GNAL: variants seen among roughly 807,000 people sequenced by gnomAD.
GNAL encodes the protein G protein subunit alpha L.
Under a neutral mutation model 55.1 loss-of-function variants are expected in GNAL, and 18 were observed. The ratio of observed to expected loss-of-function variants is 0.33; its 90% CI spans 0.23 to 0.48. GNAL has a LOEUF of 0.48. GNAL is among the 20% of genes least tolerant of loss of function. GNAL has a pLI of 0.99. For missense variants in GNAL, 412 were observed against 614.1 expected (o/e 0.67, Z 3.48); for synonymous variants, 253 against 237.0 (o/e 1.07, Z -0.62).
chr18:11,869,716 C>A lies in GNAL; in HGVS notation c.1031+1053C>A, dbSNP rs549011020. Reference sequence around the variant, plus strand: ...TTGCTTGAGCTCAGGAATTGGAGACCAGTCTGGGCAACATGTTGAAACCCT... The same window carrying A: ...TTGCTTGAGCTCAGGAATTGGAGACAAGTCTGGGCAACATGTTGAAACCCT... On this transcript the variant is annotated intron_variant, in intron 9 of 11. Coordinates refer to ENST00000334049, the MANE Select transcript of GNAL (RefSeq NM_182978.4). Among the ~76,000 whole-genome samples, 7 of 152,126 alleles carry A rather than the reference C, an allele frequency of 4.6e-5. No homozygotes were observed. The South Asian group carries it at 1.5e-3, about 32-fold the overall frequency.
At chr18:11,817,729 C>T (rs547817479) in intron 4 of GNAL, among the ~76,000 whole-genome samples, 1 of 151,700 alleles carries the variant, frequency 6.6e-6, no homozygotes, top group South Asian at 2.1e-4. Flanking sequence ...GCTGGGATTG[C>T]AGGTGCGTGC....
intron 1 of GNAL, among the ~76,000 whole-genome samples, chr18:11,709,476 C>T (rs2031789310): frequency 6.6e-6 from 1 of 151,844 alleles, no homozygotes. Context: ...TATCTTCTTT[C>T]ATTTCTTATA....
intron 5 of GNAL, among the ~76,000 whole-genome samples, chr18:11,840,090 T>C (rs2035581308): frequency 6.6e-6 from 1 of 152,216 alleles, no homozygotes; most frequent in Non-Finnish European, 1.5e-5. Flanking sequence ...AAAAGCTACC[T>C]TTGAACTATG....
chr18:11,728,625 T>A (rs183751370), intron 1 of GNAL, among the ~76,000 whole-genome samples: 1 of 152,330 alleles, frequency 6.6e-6, no homozygotes, highest in East Asian at 1.9e-4. Context: ...CTTTTTAAGA[T>A]AAATCTGCTT....
intron 10 of GNAL, 104 bp from the exon 11 acceptor site, chr18:11,876,517 T>C (rs1250724805): frequency 2.6e-6 from 2 of 759,258 alleles, no homozygotes; most frequent in Non-Finnish European, 4.7e-6. Flanking sequence ...ATTTTAATGC[T>C]GGGAATATAC....
chr18:11,718,175 G>A (rs2032018233), intron 1 of GNAL, among the ~76,000 whole-genome samples: 4 of 152,102 alleles, frequency 2.6e-5, no homozygotes, highest in African/African-American at 4.8e-5. Flanking sequence ...GTTCACAGGG[G>A]AAAATTTGAA....
rs114663035 is a variant in GNAL at position 11,873,817 on chromosome 18, C to G, written c.1162+1419C>G. ...CCCGCTAACCGCCTCTTGCCACCTCCTGTCACTCAGCTCAGGCAGTGGCTC... is the reference window on the plus strand; with the variant it reads ...CCCGCTAACCGCCTCTTGCCACCTCGTGTCACTCAGCTCAGGCAGTGGCTC... On this transcript the variant is annotated intron_variant, in intron 10 of 11. Coordinates refer to ENST00000334049, the MANE Select transcript of GNAL (RefSeq NM_182978.4). 5.7e-3 allele frequency among the ~76,000 whole-genome samples: 865 copies of G among 152,314 alleles called. 12 individuals carry two copies. Among genetic ancestry groups the G allele is most frequent in the African/African-American group, 0.02 (829 of 41,564 alleles).
intron 4 of GNAL, among the ~76,000 whole-genome samples, chr18:11,798,025 A>G (rs1224671740): frequency 6.6e-6 from 1 of 152,200 alleles, no homozygotes; most frequent in Non-Finnish European, 1.5e-5. Context: ...ATATTCCAGC[A>G]GACACTTTCT....
intron 1 of GNAL, among the ~76,000 whole-genome samples, chr18:11,743,353 A>G (rs1288603813): frequency 6.6e-6 from 1 of 152,004 alleles, no homozygotes; most frequent in Admixed American, 6.5e-5. Context: ...GGCATTTACA[A>G]TGCAGACCAC....
chr18:11,885,025 T>C lies in GNAL; in HGVS notation c.*3890T>C. ...AAGGTGTCTTCCTGCCCCTTGATGC[T>C]CAACTAAGCATCTGTTCCCTAGAAA... On this transcript the variant is annotated 3_prime_UTR_variant, in exon 12 of 12. Transcript: ENST00000334049. The C allele has an allele frequency of 7.7e-7, 1 of 1,296,454 alleles. No individual in the cohort carries two copies. Among genetic ancestry groups the C allele is most frequent in the Non-Finnish European group, 1.0e-6 (1 of 993,750 alleles). The allele number at this position is 1,296,454 out of a possible 1,614,324, so 80.3% of individuals were successfully genotyped here. A position where few individuals can be genotyped will look rare whatever the true frequency, so the allele number is the denominator to read the frequency against.
At chr18:11,857,318 C>G in intron 5 of GNAL, 1 of 182,008 alleles carries the variant, frequency 5.5e-6, no homozygotes. Context: ...GAAGTGGCTT[C>G]CCAGAGCCAG....
At chr18:11,798,257 TATTAA>T (rs1208487839) in intron 4 of GNAL, among the ~76,000 whole-genome samples, 5 of 152,382 alleles carry the variant, frequency 3.3e-5, no homozygotes, top group African/African-American at 7.2e-5. Flanking sequence ...CATTATGCGC[TATTAA>T]ATTCTTTTTA....
In GNAL at chr18:11,733,916, C is replaced by T. The variant is rs143577573; in HGVS notation, c.377-18937C>T. ...AGTCCAAGCCCAGAACTTGTGTGTG[C>T]GTGTCATTCTGCACATTCCTGGACA... On this transcript the variant is annotated intron_variant, in intron 1 of 11. Coordinates refer to ENST00000334049, the MANE Select transcript of GNAL (RefSeq NM_182978.4). Among the ~76,000 whole-genome samples the T allele has an allele frequency of 9.3e-5, 14 of 150,898 alleles. No homozygotes were observed. In the East Asian group the frequency reaches 2.4e-3, roughly 25 times the overall value.
chr18:11,754,113 T>G (rs368241393), intron 4 of GNAL, among the ~76,000 whole-genome samples, 168 bp downstream of exon 4: 2 of 152,252 alleles, frequency 1.3e-5, no homozygotes, highest in East Asian at 3.8e-4. Flanking sequence ...ATATTTGTGT[T>G]TGTTAAAAAT....
At chr18:11,850,985 T>C (rs530213586) in intron 5 of GNAL, among the ~76,000 whole-genome samples, 70 of 152,248 alleles carry the variant, frequency 4.6e-4, no homozygotes, top group Non-Finnish European at 8.8e-4. Context: ...AAGTGGAAAT[T>C]ACCCATGCTA....
Position 11,715,193 on chromosome 18 carries a change from C to T in GNAL, c.376+25254C>T, listed in dbSNP as rs186269459. ...AAGATAACAAGGCCGGGCGCGGTGG[C>T]TCACGCCTGTAATCCCAGCACTTTG... On this transcript the variant is annotated intron_variant, in intron 1 of 11. Coordinates refer to ENST00000334049, the MANE Select transcript of GNAL (RefSeq NM_182978.4). 2.3e-3 allele frequency among the ~76,000 whole-genome samples: 340 copies of T among 151,098 alleles called. 1 individual carries two copies. The highest frequency in any genetic ancestry group is 8.0e-3 in the African/African-American group (331 of 41,218).
rs1226321019 is a variant in GNAL, at chr18:11,883,089, TTACTC to T, written c.*1957_*1961del. ...TCTTTAGTCTTTAATATTTTAAAGT[TTACTC>T]TATAAATCAGCATTTTGTAATCCTT... On this transcript the variant is annotated 3_prime_UTR_variant, in exon 12 of 12. Transcript: ENST00000334049. 1 of 152,232 alleles carries T rather than the reference TTACTC, an allele frequency of 6.6e-6. No homozygotes were observed. Among genetic ancestry groups the T allele is most frequent in the Non-Finnish European group, 1.5e-5 (1 of 68,050 alleles). The allele number at this position is 152,232 out of a possible 1,614,324, so 9.4% of individuals were successfully genotyped here.
chr18:11,792,449 G>A (rs1450717936), intron 4 of GNAL, among the ~76,000 whole-genome samples: 6 of 152,186 alleles, frequency 3.9e-5, no homozygotes, highest in African/African-American at 1.4e-4. Context: ...GCCTCCCAAA[G>A]TGCTAGGATT....
chr18:11,706,056 T>A (rs754250109), intron 1 of GNAL, among the ~76,000 whole-genome samples: 2 of 152,178 alleles, frequency 1.3e-5, no homozygotes, highest in Non-Finnish European at 2.9e-5. Flanking sequence ...TAAGAAGACA[T>A]GTCATTAGCC....
Sources: gnomAD v4.1 joint callset for allele counts (sites outside exome capture counted in the v4.1 genomes callset) on GRCh38, gnomAD v4.1.1 for gene constraint, MANE v1.5 for transcripts, NCBI Gene and HGNC (gene_info 2026-07-23, HGNC 2026-07-21) for gene names.